KIF13A: variants seen among roughly 807,000 people sequenced by gnomAD.
KIF13A encodes kinesin family member 13A.
KIF13A carries 79 observed loss-of-function variants against 212.2 expected under a neutral mutation model. The ratio of observed to expected loss-of-function variants is 0.37; its 90% CI spans 0.31 to 0.45. KIF13A has a LOEUF of 0.45. KIF13A is among the 20% of genes least tolerant of loss of function. The pLI is 1.00. For synonymous variants in KIF13A, 789 were observed against 808.6 expected, an observed-to-expected ratio of 0.98 and a Z score of 0.41; for missense variants, 1,901 against 2,209.0, an observed-to-expected ratio of 0.86 and a Z score of 2.79.
intron 3 of KIF13A, among the ~76,000 whole-genome samples, chr6:17,875,200 T>C (rs1324956998): frequency 6.6e-6 from 1 of 152,166 alleles, no homozygotes; most frequent in Admixed American, 6.5e-5. Flanking sequence ...ATGGTAGTTC[T>C]ACTTTTAGTT....
chr6:17,814,029 T>C (rs1763684171), intron 17 of KIF13A, among the ~76,000 whole-genome samples: 1 of 142,556 alleles, frequency 7.0e-6, no homozygotes, highest in African/African-American at 2.6e-5. Context: ...CTCAGCTCAC[T>C]GCAAGCTCCG....
Position 17,898,510 on chromosome 6 carries a change from C to T in KIF13A, c.147-330G>A, listed in dbSNP as rs891331079. On this transcript the variant is annotated intron_variant, in intron 2 of 38. Coordinates refer to ENST00000259711, the MANE Select transcript of KIF13A (RefSeq NM_022113.6). This position sits in a 1 kb window ranked among gnomAD's most constrained non-coding sequence, Gnocchi z 5.2. ...AAGAGCATCAAGATAAAGAAAGATG[C>T]CACAATCCTTACTGCATGTGATTAA... Among the ~76,000 whole-genome samples the T allele has an allele frequency of 6.6e-6, 1 of 151,996 alleles. No homozygotes were observed. Among genetic ancestry groups the T allele is most frequent in the African/African-American group, 2.4e-5 (1 of 41,390 alleles).
Position 17,773,619 on chromosome 6 carries a change from T to C in KIF13A, c.4219-36A>G. 1 of 1,252,758 alleles carries C rather than the reference T, an allele frequency of 8.0e-7. No individual in the cohort carries two copies. Among genetic ancestry groups the C allele is most frequent in the Non-Finnish European group, 1.2e-6 (1 of 868,034 alleles). 77.6% of individuals were successfully genotyped at this position (1,252,758 alleles called of 1,614,324 possible). ...AAAATATGGGTTAACTGTAATTGAA[T>C]CACTCCAAAATAAGAAATAAAGCCC... is the stretch of plus-strand genomic sequence containing the variant. On this transcript the variant is annotated intron_variant, in intron 35 of 38. Transcript: ENST00000259711. This position sits in a 1 kb window ranked among gnomAD's most constrained non-coding sequence, Gnocchi z 4.2.
intron 2 of KIF13A, among the ~76,000 whole-genome samples, chr6:17,960,124 T>A (rs1403346439): frequency 6.6e-6 from 1 of 152,188 alleles, no homozygotes; most frequent in African/African-American, 2.4e-5. Flanking sequence ...TGCATTCATT[T>A]TGAATGGCAT....
At chr6:17,864,865 G>A (rs1251196669) in intron 4 of KIF13A, among the ~76,000 whole-genome samples, 1 of 152,164 alleles carries the variant, frequency 6.6e-6, no homozygotes, top group African/African-American at 2.4e-5. Context: ...TAGAACAGCA[G>A]CAATAGGCTC....
chr6:17,938,643 T>C (rs897282664), intron 2 of KIF13A, among the ~76,000 whole-genome samples: 1 of 152,174 alleles, frequency 6.6e-6, no homozygotes, highest in Admixed American at 6.5e-5. Context: ...TTCCAGAAAT[T>C]TGACAACTAA....
At chr6:17,884,963 T>C (rs1219722554) in intron 3 of KIF13A, among the ~76,000 whole-genome samples, 1 of 152,224 alleles carries the variant, frequency 6.6e-6, no homozygotes, top group Non-Finnish European at 1.5e-5. Context: ...ACTTCAAATG[T>C]GTTCACATTT....
chr6:17,818,317 A>G (rs1473914936), intron 16 of KIF13A, among the ~76,000 whole-genome samples: 1 of 152,220 alleles, frequency 6.6e-6, no homozygotes, highest in Non-Finnish European at 1.5e-5. Context: ...GAAGCTGAAA[A>G]TTAAAGTGAC....
At position 17,872,280 on chromosome 6, in the gene KIF13A, C is replaced by T. The variant is rs1770086491; in HGVS notation, c.220+1097G>A. On this transcript the variant is annotated intron_variant, in intron 4 of 38. Transcript: ENST00000259711. The surrounding 1 kb of genome is among the most constrained non-coding windows in gnomAD (Gnocchi z 4.7). ...TAATTTTCTTTAAACTAGTCATGTGCTTTTACCTCCAAATCTTTTAAGGCC... is the reference window on the plus strand; with the variant it reads ...TAATTTTCTTTAAACTAGTCATGTGTTTTTACCTCCAAATCTTTTAAGGCC... Among the ~76,000 whole-genome samples the T allele has an allele frequency of 6.6e-6, 1 of 152,150 alleles. No individual in the cohort carries two copies. The highest frequency in any genetic ancestry group is 1.5e-5 in the Non-Finnish European group (1 of 68,022).
chr6:17,962,611 G>A lies in KIF13A; in HGVS notation c.146+24443C>T, dbSNP rs1348530214. On this transcript the variant is annotated intron_variant, in intron 2 of 38. Transcript: ENST00000259711. Reference sequence around the variant, plus strand: ...GGCCCTGCCCTCAGGAACAGCTGATGCTGGTGTGGGGGCTGTGTGCAAGTA... The same window carrying A: ...GGCCCTGCCCTCAGGAACAGCTGATACTGGTGTGGGGGCTGTGTGCAAGTA... Among the ~76,000 whole-genome samples the A allele has an allele frequency of 2.0e-5, 3 of 152,172 alleles. 1 individual carries two copies. The highest frequency in any genetic ancestry group is 1.3e-4 in the Admixed American group (2 of 15,288).
downstream of KIF13A, among the ~76,000 whole-genome samples, chr6:17,763,097 G>A (rs1185358684): frequency 6.6e-6 from 1 of 152,326 alleles, no homozygotes. Context: ...GTACTTCAGA[G>A]CAGAATGCTC....
chr6:17,783,104 A>G lies in KIF13A; in HGVS notation c.3544+542T>C, dbSNP rs75720699. 0.041 allele frequency among the ~76,000 whole-genome samples: 6,202 copies of G among 152,274 alleles called. 308 individuals carry two copies. The highest frequency in any genetic ancestry group is 0.12 in the African/African-American group (4,870 of 41,528). The stretch of plus-strand genomic sequence containing the variant: ...CAAAGGATCTACCAGGATCCTGCCC[A>G]CTGCAAACTCAGCAACTCTGCCGTT... On this transcript the variant is annotated intron_variant, in intron 29 of 38. Transcript: ENST00000259711. This position sits in a 1 kb window ranked among gnomAD's most constrained non-coding sequence, Gnocchi z 4.3.
At position 17,779,088 on chromosome 6, in the gene KIF13A, C is replaced by G. The variant is rs761557970; in HGVS notation, c.3951G>C (p.Glu1317Asp). The change falls in exon 33 of 39, where the codon GAG (glutamate) becomes GAC (aspartate). Residue 1317 changes from glutamate to aspartate, a missense_variant. Glu to Asp is a conservative substitution (Grantham distance 45). Coordinates refer to ENST00000259711, the MANE Select transcript of KIF13A (RefSeq NM_022113.6). ...IVSNIPKATE[E>D]IEDRETLALL... The stretch of plus-strand genomic sequence containing the variant: ...GAGCCAGCGTTTCCCGGTCCTCTAT[C>G]TCCTCAGTTGCCTACGAGGACAGGA... The G allele has an allele frequency of 1.2e-6, 2 of 1,613,646 alleles. No individual in the cohort carries two copies. Among genetic ancestry groups the G allele is most frequent in the Admixed American group, 3.3e-5 (2 of 59,972 alleles).
At position 17,883,218 on chromosome 6, in the gene KIF13A, G is replaced by A. The variant is rs773359039; in HGVS notation, c.160-9781C>T. ...TAACATTAGCCAGCTGCAGGGGCAT[G>A]TGCCTATAGTCCCAGATACTCAGGA... On this transcript the variant is annotated intron_variant, in intron 3 of 38. Coordinates refer to ENST00000259711, the MANE Select transcript of KIF13A (RefSeq NM_022113.6). The surrounding 1 kb of genome is among the most constrained non-coding windows in gnomAD (Gnocchi z 4.8). Among the ~76,000 whole-genome samples, 4 of 152,136 alleles carry A rather than the reference G, an allele frequency of 2.6e-5. No homozygotes were observed. The highest frequency in any genetic ancestry group is 5.9e-5 in the Non-Finnish European group (4 of 68,024).
At chr6:17,791,975 G>A (rs534951096) in intron 25 of KIF13A, among the ~76,000 whole-genome samples, 1 of 150,956 alleles carries the variant, frequency 6.6e-6, no homozygotes, top group Admixed American at 6.6e-5. Flanking sequence ...AGGTCGAGGT[G>A]GGTGGATCAT....
At position 17,840,604 on chromosome 6, in the gene KIF13A, C is replaced by T. The variant is rs1179548892; in HGVS notation, c.831-3021G>A. On this transcript the variant is annotated intron_variant, in intron 9 of 38. Coordinates refer to ENST00000259711, the MANE Select transcript of KIF13A (RefSeq NM_022113.6). ...GAGATGACATGGATTTATCCATCAC[C>T]GAGAGAAGACTTTCCTCTACTTTGT... Among the ~76,000 whole-genome samples the T allele has an allele frequency of 4.6e-5, 7 of 151,984 alleles. No homozygotes were observed. The South Asian group carries it at 1.2e-3, about 27-fold the overall frequency.
chr6:17,780,174 T>C (rs1760430343), intron 31 of KIF13A, among the ~76,000 whole-genome samples: 1 of 152,242 alleles, frequency 6.6e-6, no homozygotes, highest in African/African-American at 2.4e-5. Flanking sequence ...GATACTAACG[T>C]CCAGCTGTTA....
intron 17 of KIF13A, among the ~76,000 whole-genome samples, chr6:17,814,185 T>C (rs1763705427): frequency 6.6e-6 from 1 of 150,730 alleles, no homozygotes; most frequent in South Asian, 2.1e-4. Flanking sequence ...TCTCCTGACC[T>C]CGTGATCTGC....
rs746396102 is a variant in KIF13A at position 17,796,818 on chromosome 6, G to A, written c.2793C>T (p.Asp931=). ...ATTCTTCTGTTACATTCACCACATA[G>A]TCCTGGGATAAGTGGGGGAAAGCAA... ...QYTVTFSHCK[D]YVVNVTEEFL... The change falls in exon 23 of 39, where the codon GAC becomes GAT. Residue 931 remains aspartate (D), a splice_region_variant and synonymous_variant. Coordinates refer to ENST00000259711, the MANE Select transcript of KIF13A (RefSeq NM_022113.6). The A allele has an allele frequency of 4.0e-6, 6 of 1,511,884 alleles. No individual in the cohort carries two copies. In the East Asian group the frequency reaches 1.5e-4, roughly 38 times the overall value. 93.7% of individuals were successfully genotyped at this position (1,511,884 alleles called of 1,614,324 possible). A position where few individuals can be genotyped will look rare whatever the true frequency, so the allele number is the denominator to read the frequency against.
Sources: gnomAD v4.1 joint callset for allele counts (sites outside exome capture counted in the v4.1 genomes callset) on GRCh38, gnomAD v4.1.1 for gene constraint, Gnocchi (gnomAD v3.1) non-coding constraint, MANE v1.5 for transcripts, NCBI Gene and HGNC (gene_info 2026-07-23, HGNC 2026-07-21) for gene names.